ARHGAP6: variants seen among roughly 807,000 people sequenced by gnomAD.
ARHGAP6 encodes the protein Rho GTPase activating protein 6, also known as rho GTPase-activating protein 6.
ARHGAP6 carries 16 observed loss-of-function variants against 55.7 expected under a neutral mutation model. That is an observed-to-expected ratio of 0.29 (90% confidence interval 0.19 to 0.44). The LOEUF is 0.44. Among genes scored for constraint, ARHGAP6 ranks in the 20% least tolerant of loss-of-function variants. ARHGAP6 has a pLI of 1.00. For synonymous variants in ARHGAP6, 382 were observed against 360.9 expected, an observed-to-expected ratio of 1.06 and a Z score of -0.66; for missense variants, 698 against 808.9, an observed-to-expected ratio of 0.86 and a Z score of 1.66.
At chrX:11,580,008 C>T (rs966860996) in intron 1 of ARHGAP6, among the ~76,000 whole-genome samples, 2 of 110,987 alleles carry the variant, frequency 1.8e-5, no homozygotes, top group South Asian at 7.7e-4. Context: ...GAACAGAATG[C>T]GCCTCCAAAT....
intron 1 of ARHGAP6, among the ~76,000 whole-genome samples, chrX:11,594,326 G>A (rs1168597033): frequency 8.9e-6 from 1 of 112,141 alleles, no homozygotes; most frequent in Non-Finnish European, 1.9e-5. Context: ...AGAAGTCACA[G>A]CTAAGTAAAT....
At chrX:11,621,138 G>C (rs2052224805) in intron 1 of ARHGAP6, among the ~76,000 whole-genome samples, 1 of 111,591 alleles carries the variant, frequency 9.0e-6, no homozygotes. Context: ...TACAGAGAGA[G>C]AAAGTGGGTG....
At chrX:11,215,646 C>T (rs761869358) in intron 2 of ARHGAP6, among the ~76,000 whole-genome samples, 10 of 112,802 alleles carry the variant, frequency 8.9e-5, no homozygotes, top group Non-Finnish European at 1.5e-4. Flanking sequence ...CCATGGAGCC[C>T]GTGGGCAGGA....
chrX:11,573,994 C>T (rs1014955882), intron 1 of ARHGAP6, among the ~76,000 whole-genome samples: 6 of 111,055 alleles, frequency 5.4e-5, no homozygotes, highest in African/African-American at 1.3e-4. Context: ...GTTTCTTCCT[C>T]GACACATACA....
At chrX:11,358,909 A>G (rs1009318769) in intron 1 of ARHGAP6, among the ~76,000 whole-genome samples, 1 of 111,977 alleles carries the variant, frequency 8.9e-6, no homozygotes, top group African/African-American at 3.2e-5. Context: ...ATTTTATTCC[A>G]TTTTATCTTC....
intron 1 of ARHGAP6, among the ~76,000 whole-genome samples, chrX:11,284,766 A>G (rs778762711): frequency 1.8e-5 from 2 of 111,478 alleles, no homozygotes; most frequent in Non-Finnish European, 3.8e-5. Context: ...TGCTACTGAC[A>G]TTTGGGGTTG....
At chrX:11,582,279 A>G (rs995688815) in intron 1 of ARHGAP6, among the ~76,000 whole-genome samples, 1 of 111,230 alleles carries the variant, frequency 9.0e-6, no homozygotes, top group Admixed American at 9.6e-5. Flanking sequence ...TCCCCCTACA[A>G]GATACTTTTG....
At chrX:11,361,989 A>G (rs1041765068) in intron 1 of ARHGAP6, among the ~76,000 whole-genome samples, 1 of 112,043 alleles carries the variant, frequency 8.9e-6, no homozygotes, top group Non-Finnish European at 1.9e-5. Context: ...GGCAATCATT[A>G]AAAAGTCAGG....
At chrX:11,152,300 A>G (rs2045792242) in intron 10 of ARHGAP6, among the ~76,000 whole-genome samples, 1 of 112,580 alleles carries the variant, frequency 8.9e-6, no homozygotes, top group African/African-American at 3.2e-5. Flanking sequence ...TGTTATTGAC[A>G]GATAACTGAC....
chrX:11,622,232 G>C (rs1239749020), intron 1 of ARHGAP6, among the ~76,000 whole-genome samples: 1 of 111,902 alleles, frequency 8.9e-6, no homozygotes, highest in Non-Finnish European at 1.9e-5. Context: ...TGACATTGCT[G>C]TGGTATGTAA....
chrX:11,280,999 C>T (rs932951086), intron 1 of ARHGAP6, among the ~76,000 whole-genome samples: 2 of 110,991 alleles, frequency 1.8e-5, no homozygotes, highest in Non-Finnish European at 3.8e-5. Flanking sequence ...AAAACAGCCC[C>T]GAACTGTAAA....
At position 11,595,715 on chromosome X, in the gene ARHGAP6, T is replaced by C. The variant is rs188331864; in HGVS notation, c.588+68526A>G. Among the ~76,000 whole-genome samples the C allele has an allele frequency of 1.3e-3, 150 of 111,495 alleles. 1 individual carries two copies. The highest frequency in any genetic ancestry group is 4.8e-3 in the African/African-American group (148 of 30,660). On this transcript the variant is annotated intron_variant, in intron 1 of 12. Coordinates refer to ENST00000337414, the MANE Select transcript of ARHGAP6 (RefSeq NM_013427.3). ...TAATATCCAGGATCTACAAAGAACT[T>C]AAACAATTTTACAAGGGGAAAAAAA...
At chrX:11,177,999 G>A in intron 8 of ARHGAP6, 101 bp downstream of exon 8, 1 of 1,030,072 alleles carries the variant, frequency 9.7e-7, no homozygotes. Flanking sequence ...GAGAAGGGGA[G>A]ACATCATTAC....
intron 2 of ARHGAP6, among the ~76,000 whole-genome samples, chrX:11,216,690 A>C (rs2046887368): frequency 9.3e-6 from 1 of 107,019 alleles, no homozygotes; most frequent in Non-Finnish European, 1.9e-5. Flanking sequence ...TTTGTGTAGC[A>C]TTATGTTAAA....
intron 1 of ARHGAP6, among the ~76,000 whole-genome samples, chrX:11,533,322 C>T (rs1248289562): frequency 8.9e-6 from 1 of 111,921 alleles, no homozygotes; most frequent in Non-Finnish European, 1.9e-5. Context: ...TTTACTCCCA[C>T]TAGGTGGCAC....
chrX:11,578,204 C>T (rs2051624415), intron 1 of ARHGAP6, among the ~76,000 whole-genome samples: 1 of 111,632 alleles, frequency 9.0e-6, no homozygotes, highest in Non-Finnish European at 1.9e-5. Flanking sequence ...CAGGAATGGG[C>T]ATCCCCCACC....
chrX:11,628,639 T>C (rs2052326577), intron 1 of ARHGAP6, among the ~76,000 whole-genome samples: 2 of 112,409 alleles, frequency 1.8e-5, no homozygotes, highest in Non-Finnish European at 3.8e-5. Flanking sequence ...GGTACTGCTG[T>C]GAACTAGAAT....
chrX:11,557,992 A>C (rs1050775052), intron 1 of ARHGAP6, among the ~76,000 whole-genome samples: 2 of 111,808 alleles, frequency 1.8e-5, no homozygotes, highest in Non-Finnish European at 3.8e-5. Context: ...TGCATGCTCA[A>C]ATCTCTAAGT....
intron 1 of ARHGAP6, among the ~76,000 whole-genome samples, chrX:11,442,422 T>C (rs1351424727): frequency 8.9e-6 from 1 of 111,781 alleles, no homozygotes; most frequent in Admixed American, 9.5e-5. Context: ...TTTATTCAGC[T>C]TCCCACATAA....
Sources: gnomAD v4.1 joint callset for allele counts (sites outside exome capture counted in the v4.1 genomes callset) on GRCh38, gnomAD v4.1.1 for gene constraint, MANE v1.5 for transcripts, NCBI Gene and HGNC (gene_info 2026-07-23, HGNC 2026-07-21) for gene names.